The following SUV39H2 variants were observed in gnomAD, a reference collection of about 807,000 sequenced individuals.
The protein encoded by SUV39H2 is histone-lysine N-methyltransferase SUV39H2.
SUV39H2 carries 10 observed loss-of-function variants against 47.5 expected under a neutral mutation model. The observed-to-expected ratio is 0.21, with a 90% CI of 0.13 to 0.36. The LOEUF is 0.36. SUV39H2 is among the 10% of genes least tolerant of loss of function. The probability of loss-of-function intolerance (pLI) is 1.00; values close to 1 mark genes in which losing one functional copy is unlikely to be tolerated. For synonymous variants in SUV39H2, 159 were observed against 166.8 expected (o/e 0.95, Z 0.36); for missense variants, 266 against 487.4 (o/e 0.55, Z 4.28).
chr10:14,901,887 G>C (rs184472533), intron 5 of SUV39H2, among the ~76,000 whole-genome samples: 1 of 152,034 alleles, frequency 6.6e-6, no homozygotes, highest in Admixed American at 6.6e-5. Flanking sequence ...ATATTCAAAA[G>C]ATTGAAAATA....
At chr10:14,887,876 G>C (rs1351917711) in intron 2 of SUV39H2, among the ~76,000 whole-genome samples, 2 of 152,214 alleles carry the variant, frequency 1.3e-5, no homozygotes, top group African/African-American at 4.8e-5. Context: ...AGGAACTGAT[G>C]TTTCAACTTA....
At chr10:14,895,092 C>T (rs542541438) in intron 2 of SUV39H2, among the ~76,000 whole-genome samples, 1 of 151,092 alleles carries the variant, frequency 6.6e-6, no homozygotes, top group African/African-American at 2.4e-5. Context: ...ATATATTATT[C>T]CAGAAGAAAA....
rs1226177956 is a variant in SUV39H2, at chr10:14,904,045, C to T, written c.*1533C>T. 1 of 152,246 alleles carries T rather than the reference C, an allele frequency of 6.6e-6. No homozygotes were observed. The highest frequency in any genetic ancestry group is 1.5e-5 in the Non-Finnish European group (1 of 68,080). The allele number at this position is 152,246 out of a possible 1,614,324, so 9.4% of individuals were successfully genotyped here. On this transcript the variant is annotated 3_prime_UTR_variant, in exon 6 of 6. Coordinates refer to ENST00000354919, the MANE Select transcript of SUV39H2 (RefSeq NM_001193424.2). Reference sequence around the variant, plus strand: ...GCCAGGCCTGTGTGGTGGCTCACACCTGTGATCCCAGCACTTTGGGAGGCT... The same window carrying T: ...GCCAGGCCTGTGTGGTGGCTCACACTTGTGATCCCAGCACTTTGGGAGGCT...
downstream of SUV39H2, chr10:14,904,315 ATTTTTTTTTTTTTTT>A (rs35999949): frequency 3.9e-5 from 3 of 77,762 alleles, no homozygotes; most frequent in South Asian, 1.6e-3. Flanking sequence ...AAAAAAAAAA[ATTTTTTTTTTTTTTT>A]TTTTTTTTTT....
chr10:14,894,537 T>G (rs1833503017), intron 2 of SUV39H2, among the ~76,000 whole-genome samples: 1 of 111,538 alleles, frequency 9.0e-6, no homozygotes, highest in African/African-American at 5.1e-5. Context: ...CCGGCTAATT[T>G]TTTGTATTTT....
In SUV39H2 at chr10:14,897,475, G is replaced by C; in HGVS notation, c.807G>C (p.Val269=). Reference sequence around the variant, plus strand: ...GTGGCTGGGGTGTAAAGACCCTTGTGAAGATTAAAAGAATGAGTTTTGTCA... The same window carrying C: ...GTGGCTGGGGTGTAAAGACCCTTGTCAAGATTAAAAGAATGAGTTTTGTCA... ...NGRGWGVKTL[V]KIKRMSFVME... is the part of the protein sequence containing the mutation. The change falls in exon 3 of 6, where the codon GTG becomes GTC. Residue 269 remains valine, a synonymous_variant. Coordinates refer to ENST00000354919, the MANE Select transcript of SUV39H2 (RefSeq NM_001193424.2). 6.3e-7 allele frequency: 1 copy of C among 1,585,102 alleles called. No homozygotes were observed. Among genetic ancestry groups the C allele is most frequent in the South Asian group, 1.2e-5 (1 of 86,776 alleles).
At chr10:14,897,844 AAC>A in intron 3 of SUV39H2, 1 of 172,482 alleles carries the variant, frequency 5.8e-6, no homozygotes, top group South Asian at 2.0e-4. Flanking sequence ...ACTCAGATGT[AAC>A]ACATGCTGCT....
At position 14,902,816 on chromosome 10, in the gene SUV39H2, TTTGAAAGCG is replaced by T. The variant is rs1452513245; in HGVS notation, c.*307_*315del. On this transcript the variant is annotated 3_prime_UTR_variant, in exon 6 of 6. Transcript: ENST00000354919. The stretch of plus-strand genomic sequence containing the variant: ...GAACAGAGAAATGCCTCCCGTAGTG[TTTGAAAGCG>T]TTAAGCTGATAATGTAATTAACAAC... The T allele has an allele frequency of 1.2e-5, 2 of 172,940 alleles. No individual in the cohort carries two copies. The highest frequency in any genetic ancestry group is 2.5e-5 in the Non-Finnish European group (2 of 80,968). 10.7% of individuals were successfully genotyped at this position (172,940 alleles called of 1,614,324 possible).
intron 2 of SUV39H2, among the ~76,000 whole-genome samples, chr10:14,885,273 T>C (rs560970207): frequency 1.3e-5 from 2 of 152,208 alleles, no homozygotes; most frequent in Non-Finnish European, 2.9e-5. Context: ...CCTATTTTCC[T>C]CCTTCATACC....
At chr10:14,902,312 C>G (rs181611035) in intron 5 of SUV39H2, 94 bp from the exon 6 acceptor site, 9 of 773,278 alleles carry the variant, frequency 1.2e-5, no homozygotes, top group Non-Finnish European at 1.8e-5. Flanking sequence ...TACCCTCTAT[C>G]ACTGATAATA....
In SUV39H2 at chr10:14,897,458, G is replaced by T; in HGVS notation, c.790G>T (p.Gly264Cys). The T allele has an allele frequency of 6.2e-7, 1 of 1,609,200 alleles. No homozygotes were observed. ...TCGAACTAGCAATGGACGTGGCTGGGGTGTAAAGACCCTTGTGAAGATTAA... is the reference window on the plus strand; with the variant it reads ...TCGAACTAGCAATGGACGTGGCTGGTGTGTAAAGACCCTTGTGAAGATTAA... ...IFRTSNGRGW[G>C]VKTLVKIKRM... is the part of the protein sequence containing the mutation. Residue 264 changes from glycine (G) to cysteine (C), a missense_variant, in exon 3 of 6, where the codon GGT (glycine) becomes TGT (cysteine). Transcript: ENST00000354919.
chr10:14,886,023 C>T (rs1270396504), intron 2 of SUV39H2, among the ~76,000 whole-genome samples: 1 of 152,182 alleles, frequency 6.6e-6, no homozygotes, highest in Non-Finnish European at 1.5e-5. Flanking sequence ...GCCACCTTTC[C>T]AGCCTCATCT....
At chr10:14,894,326 C>A in intron 2 of SUV39H2, among the ~76,000 whole-genome samples, 1 of 120,280 alleles carries the variant, frequency 8.3e-6, no homozygotes, top group Admixed American at 8.3e-5. Flanking sequence ...GAGAAGAAAA[C>A]TTTTGACCAA....
chr10:14,893,272 G>T (rs1339032867), intron 2 of SUV39H2, among the ~76,000 whole-genome samples: 1 of 151,904 alleles, frequency 6.6e-6, no homozygotes, highest in Non-Finnish European at 1.5e-5. Context: ...CAAAGTGCTG[G>T]GATTACAGGC....
intron 2 of SUV39H2, among the ~76,000 whole-genome samples, chr10:14,892,748 A>G (rs1005959680): frequency 6.6e-6 from 1 of 152,076 alleles, no homozygotes; most frequent in Non-Finnish European, 1.5e-5. Context: ...AAACGTTCAT[A>G]TACTTATTAT....
At chr10:14,901,338 G>A (rs1833990590) in intron 5 of SUV39H2, 76 bp downstream of exon 5, 30 of 1,578,844 alleles carry the variant, frequency 1.9e-5, no homozygotes, top group Non-Finnish European at 2.6e-5. Flanking sequence ...ACAGACCTTA[G>A]ATATTTGAAC....
At chr10:14,889,633 C>G (rs1054132832) in intron 2 of SUV39H2, among the ~76,000 whole-genome samples, 4 of 152,150 alleles carry the variant, frequency 2.6e-5, no homozygotes, top group Admixed American at 2.6e-4. Flanking sequence ...TTTCCATTTT[C>G]TCTTTGCATT....
At position 14,899,554 on chromosome 10, in the gene SUV39H2, G is replaced by A; in HGVS notation, c.865G>A (p.Glu289Lys). 1 of 1,613,966 alleles carries A rather than the reference G, an allele frequency of 6.2e-7. No individual in the cohort carries two copies. The highest frequency in any genetic ancestry group is 8.5e-7 in the Non-Finnish European group (1 of 1,179,984). Residue 289 changes from glutamate to lysine, a missense_variant, in exon 4 of 6, where the codon GAA (glutamate) becomes AAA (lysine). By Grantham distance (56) the Glu-to-Lys change is moderately conservative. Transcript: ENST00000354919. ...TTCTGTTTAGGTAATCACAAGTGAA[G>A]AAGCTGAAAGACGAGGACAGTTCTA... ...EYVGEVITSE[E>K]AERRGQFYDN...
Position 14,899,538 on chromosome 10 carries a change from G to T in SUV39H2, c.850-1G>T, listed in dbSNP as rs1245152662. On this transcript the variant is annotated splice_acceptor_variant, in intron 3 of 5. Transcript: ENST00000354919. LOFTEE classifies it high-confidence loss of function. ...ATATACTTACAGTTTTTTCTGTTTAGGTAATCACAAGTGAAGAAGCTGAAA... is the reference window on the plus strand; with the variant it reads ...ATATACTTACAGTTTTTTCTGTTTATGTAATCACAAGTGAAGAAGCTGAAA... 1 of 1,612,818 alleles carries T rather than the reference G, an allele frequency of 6.2e-7. No homozygotes were observed. The highest frequency in any genetic ancestry group is 1.1e-5 in the South Asian group (1 of 90,714).
Sources: gnomAD v4.1 joint callset for allele counts (sites outside exome capture counted in the v4.1 genomes callset) on GRCh38, gnomAD v4.1.1 for gene constraint, MANE v1.5 for transcripts, NCBI Gene and HGNC (gene_info 2026-07-23, HGNC 2026-07-21) for gene names.